The following SYT16 variants were observed in gnomAD, a reference collection of about 807,000 sequenced individuals.
SYT16 encodes the protein synaptotagmin-16.
In SYT16, 42 loss-of-function variants were observed where a neutral mutation model predicts 61.4. The observed-to-expected ratio is 0.68, with a 90% CI of 0.53 to 0.89. SYT16 has a LOEUF of 0.89. SYT16 is among the 40% of genes least tolerant of loss of function. The pLI is 0.00. For missense variants in SYT16, 804 were observed against 807.3 expected (o/e 1.00, Z 0.05); for synonymous variants, 314 against 302.3 (o/e 1.04, Z -0.40).
chr14:61,971,509 C>A (rs571163364), intron 2 of SYT16, among the ~76,000 whole-genome samples: 1 of 152,158 alleles, frequency 6.6e-6, no homozygotes, highest in Non-Finnish European at 1.5e-5. Flanking sequence ...GCTGGCTTTC[C>A]CTGGAGTGAG....
chr14:62,094,298 C>G (rs1217450176), intron 7 of SYT16, among the ~76,000 whole-genome samples: 1 of 152,132 alleles, frequency 6.6e-6, no homozygotes, highest in African/African-American at 2.4e-5. Flanking sequence ...ATCAACTCTT[C>G]CAGCCAGGGC....
rs1265038197 is a variant in SYT16, at chr14:62,075,400, T to A, written c.993+9T>A. The A allele has an allele frequency of 6.3e-7, 1 of 1,589,648 alleles. No homozygotes were observed. The highest frequency in any genetic ancestry group is 2.3e-5 in the East Asian group (1 of 44,334). ...CCATGTGGAGTCCAGAGGCAAGTTATTTGTTTTTCATTCTTTCATTGGTTC... is the reference window on the plus strand; with the variant it reads ...CCATGTGGAGTCCAGAGGCAAGTTAATTGTTTTTCATTCTTTCATTGGTTC... On this transcript the variant is annotated intron_variant, in intron 5 of 7. Transcript: ENST00000683842.
At chr14:61,945,646 G>A (rs1414501911) in intron 1 of SYT16, among the ~76,000 whole-genome samples, 4 of 151,968 alleles carry the variant, frequency 2.6e-5, no homozygotes, top group Non-Finnish European at 5.9e-5. Context: ...ACGAGGTCAG[G>A]AGATCGAGAC....
At chr14:61,859,793 T>C (rs944497103) in intron 1 of SYT16, among the ~76,000 whole-genome samples, 1 of 152,064 alleles carries the variant, frequency 6.6e-6, no homozygotes, top group African/African-American at 2.4e-5. Context: ...CACTTGGGGC[T>C]CCAAGCGAAC....
intron 1 of SYT16, among the ~76,000 whole-genome samples, chr14:61,835,758 G>A (rs1375132541): frequency 1.3e-5 from 2 of 152,046 alleles, no homozygotes; most frequent in Non-Finnish European, 2.9e-5. Context: ...CCTACAGAAG[G>A]ATTGTACCAA....
intron 2 of SYT16, among the ~76,000 whole-genome samples, chr14:61,990,172 C>A (rs1230242696): frequency 1.3e-5 from 2 of 152,168 alleles, no homozygotes; most frequent in Non-Finnish European, 2.9e-5. Context: ...TATTTTGACT[C>A]CATGCATTAT....
At chr14:61,824,641 C>T (rs1317051461) in intron 1 of SYT16, among the ~76,000 whole-genome samples, 3 of 152,224 alleles carry the variant, frequency 2.0e-5, no homozygotes, top group Admixed American at 1.3e-4. Context: ...CGTGAGCCAC[C>T]GTGCCCGGCT....
At chr14:61,868,106 G>C (rs367934715) in intron 1 of SYT16, among the ~76,000 whole-genome samples, 5 of 151,844 alleles carry the variant, frequency 3.3e-5, no homozygotes, top group African/African-American at 9.7e-5. Context: ...AAAAATATTG[G>C]TCTAAATTTT....
intron 3 of SYT16, among the ~76,000 whole-genome samples, chr14:62,007,804 G>T (rs2053282844): frequency 6.6e-6 from 1 of 152,042 alleles, no homozygotes; most frequent in Non-Finnish European, 1.5e-5. Flanking sequence ...ATTAGGAATG[G>T]ATTAGAGGAA....
At chr14:61,933,048 T>C (rs1350877065) in intron 1 of SYT16, among the ~76,000 whole-genome samples, 1 of 152,234 alleles carries the variant, frequency 6.6e-6, no homozygotes, top group Non-Finnish European at 1.5e-5. Flanking sequence ...GTGGAATATC[T>C]TTGACAGGTG....
intron 3 of SYT16, among the ~76,000 whole-genome samples, chr14:62,059,677 A>ATAATTTATATATATG (rs60056051): frequency 0.2 from 29,438 of 146,646 alleles, 6,701 homozygotes; most frequent in African/African-American, 0.56. Flanking sequence ...ATACATATAT[A>ATAATTTATATATATG]TAATTTATAT....
chr14:61,905,374 G>A (rs1020261352), intron 1 of SYT16, among the ~76,000 whole-genome samples: 2 of 152,244 alleles, frequency 1.3e-5, no homozygotes, highest in South Asian at 2.1e-4. Context: ...GTAATTGCGG[G>A]TTTTGCCATT....
At chr14:62,047,696 T>G (rs2055058374) in intron 3 of SYT16, among the ~76,000 whole-genome samples, 1 of 152,216 alleles carries the variant, frequency 6.6e-6, no homozygotes, top group Non-Finnish European at 1.5e-5. Flanking sequence ...GGTTGTTAAA[T>G]TTTGTCAAAG....
chr14:62,018,944 A>G (rs986545866), intron 3 of SYT16, among the ~76,000 whole-genome samples: 33 of 152,324 alleles, frequency 2.2e-4, no homozygotes, highest in African/African-American at 7.9e-4. Context: ...CGCTTGCCTC[A>G]TGGTGGTAAC....
At chr14:62,007,082 C>A (rs1050708365) in intron 3 of SYT16, among the ~76,000 whole-genome samples, 5 of 152,134 alleles carry the variant, frequency 3.3e-5, no homozygotes, top group African/African-American at 1.2e-4. Flanking sequence ...GATTTCAACC[C>A]TTTGCAGATT....
chr14:61,906,950 A>G (rs2048748465), intron 1 of SYT16, among the ~76,000 whole-genome samples: 1 of 152,230 alleles, frequency 6.6e-6, no homozygotes, highest in African/African-American at 2.4e-5. Context: ...AAAATTAGAA[A>G]TCATCTTAGA....
chr14:61,970,407 A>T (rs1189879517), intron 2 of SYT16, 96 bp downstream of exon 2: 3 of 152,226 alleles, frequency 2.0e-5, no homozygotes, highest in Non-Finnish European at 4.4e-5. Flanking sequence ...AGAATACATT[A>T]TCTTTATGAA....
intron 3 of SYT16, among the ~76,000 whole-genome samples, chr14:62,011,842 CAT>C (rs1383945358): frequency 1.4e-5 from 2 of 147,938 alleles, no homozygotes; most frequent in African/African-American, 5.1e-5. Context: ...CTTATGGACA[CAT>C]GTCTACCACA....
intron 3 of SYT16, among the ~76,000 whole-genome samples, chr14:62,027,099 C>T (rs2054131224): frequency 6.6e-6 from 1 of 152,088 alleles, no homozygotes; most frequent in Non-Finnish European, 1.5e-5. Context: ...ATTTAATGCT[C>T]TTTGCCTTAA....
Sources: allele counts gnomAD v4.1 joint callset (sites outside exome capture counted in the v4.1 genomes callset), GRCh38; gene constraint gnomAD v4.1.1; transcripts MANE v1.5; gene names NCBI Gene and HGNC (gene_info 2026-07-23, HGNC 2026-07-21).